LANCL3: variants seen among roughly 807,000 people sequenced by gnomAD.
The protein encoded by LANCL3 is LanC like family member 3.
LANCL3 carries 19 observed loss-of-function variants against 26.5 expected under a neutral mutation model. The observed-to-expected ratio is 0.72, with a 90% CI of 0.50 to 1.05. LANCL3 has a LOEUF of 1.05. LANCL3 is among the 50% of genes least tolerant of loss of function. The pLI is 0.00. For synonymous variants in LANCL3, 160 were observed against 166.6 expected (o/e 0.96, Z 0.30); for missense variants, 318 against 362.7 (o/e 0.88, Z 1.00).
intron 1 of LANCL3, among the ~76,000 whole-genome samples, chrX:37,609,761 A>G (rs1191884460): frequency 3.6e-5 from 4 of 111,716 alleles, no homozygotes; most frequent in African/African-American, 9.8e-5. Flanking sequence ...TTACAGTCAC[A>G]TGAAAGCTCT....
intron 2 of LANCL3, among the ~76,000 whole-genome samples, chrX:37,657,693 A>G (rs1255601974): frequency 9.0e-6 from 1 of 110,515 alleles, no homozygotes; most frequent in Admixed American, 9.7e-5. Context: ...TTACATATAT[A>G]TAGCTTAAAC....
chrX:37,589,515 A>G (rs1251827001), intron 1 of LANCL3, among the ~76,000 whole-genome samples: 1 of 111,449 alleles, frequency 9.0e-6, no homozygotes, highest in Admixed American at 9.5e-5. Context: ...GGGCTTCAGC[A>G]TAGGGTGATG....
At chrX:37,633,843 G>C (rs781956378) in intron 1 of LANCL3, among the ~76,000 whole-genome samples, 1 of 111,854 alleles carries the variant, frequency 8.9e-6, no homozygotes, top group Non-Finnish European at 1.9e-5. Flanking sequence ...GCCCCTGCTG[G>C]GGGGGTGCCT....
chrX:37,622,131 A>G (rs1925180813), intron 1 of LANCL3, among the ~76,000 whole-genome samples: 2 of 111,860 alleles, frequency 1.8e-5, no homozygotes, highest in Admixed American at 1.9e-4. Flanking sequence ...CACAATTCTT[A>G]TAGTGGTAAA....
chrX:37,649,104 G>A (rs1204196863), intron 1 of LANCL3, among the ~76,000 whole-genome samples: 2 of 111,622 alleles, frequency 1.8e-5, no homozygotes, highest in Non-Finnish European at 3.8e-5. Flanking sequence ...CCATTACTGG[G>A]TATATACCCA....
At chrX:37,611,436 C>T (rs782674599) in intron 1 of LANCL3, among the ~76,000 whole-genome samples, 1 of 111,188 alleles carries the variant, frequency 9.0e-6, no homozygotes, top group Admixed American at 9.6e-5. Flanking sequence ...TATACTCCAT[C>T]CTTGCCACGA....
rs1556437182 is a variant in LANCL3, at chrX:37,676,232, T to C, written c.*419T>C. 8.9e-6 allele frequency: 1 copy of C among 112,835 alleles called. No individual in the cohort carries two copies. The highest frequency in any genetic ancestry group is 2.8e-4 in the East Asian group (1 of 3,609). 9.3% of individuals were successfully genotyped at this position (112,835 alleles called of 1,213,427 possible). A position where few individuals can be genotyped will look rare whatever the true frequency, so the allele number is the denominator to read the frequency against. ...ATTCAGAAATAAAGACAATAAAAAA[T>C]TAAAATAATTGCCCAGCTGAAAACT... On this transcript the variant is annotated 3_prime_UTR_variant, in exon 5 of 5. Coordinates refer to ENST00000378619, the MANE Select transcript of LANCL3 (RefSeq NM_001170331.2).
intron 1 of LANCL3, among the ~76,000 whole-genome samples, chrX:37,629,642 G>T (rs782686595): frequency 0.086 from 9,217 of 107,759 alleles, 968 homozygotes; most frequent in African/African-American, 0.3. Context: ...GTAAGGAAGG[G>T]ATCCAGTTTC....
At chrX:37,582,615 CTTG>C (rs1169979284) in intron 1 of LANCL3, among the ~76,000 whole-genome samples, 35 of 111,618 alleles carry the variant, frequency 3.1e-4, no homozygotes, top group Admixed American at 3.0e-3. Flanking sequence ...CCTTCACCCA[CTTG>C]TTGATGGGGT....
At chrX:37,574,433 T>C (rs781819243) in intron 1 of LANCL3, among the ~76,000 whole-genome samples, 4 of 111,660 alleles carry the variant, frequency 3.6e-5, no homozygotes, top group Non-Finnish European at 3.8e-5. Context: ...CCCTCAGTTA[T>C]CGCTCTAATT....
At chrX:37,574,993 A>G (rs1330716100) in intron 1 of LANCL3, among the ~76,000 whole-genome samples, 1 of 108,924 alleles carries the variant, frequency 9.2e-6, no homozygotes, top group Non-Finnish European at 1.9e-5. Flanking sequence ...TGGTGCAACC[A>G]TGGCTCACTG....
intron 1 of LANCL3, among the ~76,000 whole-genome samples, chrX:37,634,696 A>G (rs782611636): frequency 8.9e-6 from 1 of 112,507 alleles, no homozygotes; most frequent in Non-Finnish European, 1.9e-5. Flanking sequence ...ACTAGATTAG[A>G]TAATAGTATT....
At chrX:37,572,712 G>GCT (rs1923638974) in intron 1 of LANCL3, among the ~76,000 whole-genome samples, 1 of 112,378 alleles carries the variant, frequency 8.9e-6, no homozygotes, top group African/African-American at 3.2e-5. Context: ...ATGCCTGTTA[G>GCT]CTTTCTGGGG....
chrX:37,606,096 G>C (rs1924707860), intron 1 of LANCL3, among the ~76,000 whole-genome samples: 1 of 111,424 alleles, frequency 9.0e-6, no homozygotes, highest in African/African-American at 3.3e-5. Context: ...TTGAAATACT[G>C]GGGAAACCAG....
intron 3 of LANCL3, among the ~76,000 whole-genome samples, chrX:37,662,508 C>G (rs1043678878): frequency 1.8e-5 from 2 of 111,514 alleles, no homozygotes; most frequent in Non-Finnish European, 3.8e-5. Flanking sequence ...CTCTGTAGTG[C>G]GCACTGTACA....
intron 1 of LANCL3, among the ~76,000 whole-genome samples, chrX:37,599,564 A>G (rs190297365): frequency 9.4e-4 from 106 of 112,351 alleles, no homozygotes; most frequent in African/African-American, 3.3e-3. Flanking sequence ...TAATTTGTAG[A>G]ACACAAAGTC....
intron 1 of LANCL3, among the ~76,000 whole-genome samples, chrX:37,578,729 C>G (rs1459429612): frequency 9.1e-6 from 1 of 110,490 alleles, no homozygotes; most frequent in Non-Finnish European, 1.9e-5. Context: ...CCTGTAATCC[C>G]AGCACTTTGG....
chrX:37,574,981 A>C (rs1303702506), intron 1 of LANCL3, among the ~76,000 whole-genome samples: 1 of 108,696 alleles, frequency 9.2e-6, no homozygotes, highest in Non-Finnish European at 1.9e-5. Flanking sequence ...GCTGGAGTGC[A>C]GTGGTGCAAC....
At chrX:37,614,383 T>G (rs1473680444) in intron 1 of LANCL3, among the ~76,000 whole-genome samples, 1 of 111,970 alleles carries the variant, frequency 8.9e-6, no homozygotes, top group Non-Finnish European at 1.9e-5. Flanking sequence ...CAGCCAAATT[T>G]GAGCACCACT....
Sources: gnomAD v4.1 joint callset for allele counts (sites outside exome capture counted in the v4.1 genomes callset) on GRCh38, gnomAD v4.1.1 for gene constraint, MANE v1.5 for transcripts, NCBI Gene and HGNC (gene_info 2026-07-23, HGNC 2026-07-21) for gene names.